The following SGCD variants were observed in gnomAD, a reference collection of about 807,000 sequenced individuals.
SGCD encodes delta-sarcoglycan.
Under a neutral mutation model 36.6 loss-of-function variants are expected in SGCD, and 18 were observed. That is an observed-to-expected ratio of 0.49 (90% CI 0.34 to 0.73). The LOEUF (loss-of-function observed/expected upper bound fraction) is 0.73. Ranked by LOEUF, SGCD falls within the 30% of genes least tolerant of loss-of-function variation. The probability of loss-of-function intolerance (pLI) is 0.01; values close to 1 mark genes in which losing one functional copy is unlikely to be tolerated. For synonymous variants in SGCD, 133 were observed against 130.6 expected, an observed-to-expected ratio of 1.02 and a Z score of -0.12; for missense variants, 387 against 346.7, an observed-to-expected ratio of 1.12 and a Z score of -0.92.
intron 1 of SGCD, among the ~76,000 whole-genome samples, chr5:155,955,626 G>C (rs1368639310): frequency 6.6e-6 from 1 of 152,118 alleles, no homozygotes; most frequent in African/African-American, 2.4e-5. Context: ...TTGATTTAGA[G>C]TCAAGTATTT....
intron 7 of SGCD, chr5:156,738,436 T>C (rs1319986767): frequency 6.6e-6 from 1 of 152,240 alleles, no homozygotes; most frequent in African/African-American, 2.4e-5. Context: ...CATGTTAGGC[T>C]ACTAAGGCAC....
intron 3 of SGCD, among the ~76,000 whole-genome samples, chr5:156,189,362 A>G (rs2127631607): frequency 6.6e-6 from 1 of 152,340 alleles, no homozygotes; most frequent in East Asian, 1.9e-4. Flanking sequence ...GCTAAAAAAA[A>G]TTAGTGAAAA....
intron 1 of SGCD, among the ~76,000 whole-genome samples, chr5:156,014,712 T>C (rs1410346423): frequency 6.6e-6 from 1 of 152,224 alleles, no homozygotes; most frequent in Non-Finnish European, 1.5e-5. Flanking sequence ...TTTTTCCTTG[T>C]GTACAGGATC....
intron 3 of SGCD, among the ~76,000 whole-genome samples, chr5:156,356,060 T>G (rs562777461): frequency 6.6e-6 from 1 of 152,340 alleles, no homozygotes; most frequent in East Asian, 1.9e-4. Context: ...AGGGAGTATA[T>G]CTTATGTGCC....
intron 3 of SGCD, among the ~76,000 whole-genome samples, chr5:156,229,283 T>TATATATATATATATATATATACATAC (rs1764947899): frequency 9.7e-6 from 1 of 103,618 alleles, no homozygotes; most frequent in Non-Finnish European, 1.9e-5. Flanking sequence ...CATACATATA[T>TATATATATATATATATATATACATAC]ATATATATAT....
At chr5:156,269,919 T>C (rs1217389308) in intron 3 of SGCD, among the ~76,000 whole-genome samples, 3 of 152,252 alleles carry the variant, frequency 2.0e-5, no homozygotes, top group Admixed American at 2.0e-4. Flanking sequence ...TGCAATTGCT[T>C]TTAGCATCTT....
chr5:155,913,506 C>T (rs1756674228), intron 1 of SGCD, among the ~76,000 whole-genome samples: 1 of 152,152 alleles, frequency 6.6e-6, no homozygotes, highest in Admixed American at 6.6e-5. Flanking sequence ...TTCAGTCTGA[C>T]CATTCATAGC....
chr5:156,300,288 G>T (rs1767018911), intron 3 of SGCD, among the ~76,000 whole-genome samples: 1 of 151,666 alleles, frequency 6.6e-6, no homozygotes, highest in Admixed American at 6.6e-5. Flanking sequence ...TACTGCTTTT[G>T]CTGTATCCCA....
chr5:155,875,474 T>C (rs1755745245), intron 1 of SGCD, among the ~76,000 whole-genome samples: 1 of 152,240 alleles, frequency 6.6e-6, no homozygotes, highest in African/African-American at 2.4e-5. Flanking sequence ...AGCATTTTAT[T>C]TGGGGAACTT....
chr5:156,409,806 C>T (rs1023207940), intron 3 of SGCD, among the ~76,000 whole-genome samples: 1 of 152,246 alleles, frequency 6.6e-6, no homozygotes, highest in South Asian at 2.1e-4. Context: ...ATATTATCTG[C>T]CTCACACCAT....
chr5:156,715,281 G>A (rs891540101), intron 7 of SGCD, among the ~76,000 whole-genome samples: 3 of 152,172 alleles, frequency 2.0e-5, no homozygotes, highest in African/African-American at 7.2e-5. Context: ...AAATGGAAAG[G>A]ACAGGAGATG....
At chr5:156,480,429 T>C (rs1376271289) in intron 3 of SGCD, among the ~76,000 whole-genome samples, 1 of 152,234 alleles carries the variant, frequency 6.6e-6, no homozygotes, top group African/African-American at 2.4e-5. Flanking sequence ...AGAGCTTGTC[T>C]TTCCCCAGTC....
chr5:156,181,368 C>T (rs919715906), intron 3 of SGCD, among the ~76,000 whole-genome samples: 2 of 152,140 alleles, frequency 1.3e-5, no homozygotes, highest in African/African-American at 4.8e-5. Flanking sequence ...AAAAAACTTG[C>T]TATCATTAAC....
At chr5:156,375,552 G>A (rs903025959) in intron 3 of SGCD, among the ~76,000 whole-genome samples, 1 of 152,084 alleles carries the variant, frequency 6.6e-6, no homozygotes. Flanking sequence ...CTATAGCTGT[G>A]CTGTGTGATC....
At chr5:156,470,636 C>G (rs1561716675) in intron 3 of SGCD, among the ~76,000 whole-genome samples, 1 of 151,940 alleles carries the variant, frequency 6.6e-6, no homozygotes, top group African/African-American at 2.4e-5. Flanking sequence ...GAATTTTTTT[C>G]TATCATTTCT....
At position 156,707,195 on chromosome 5, in the gene SGCD, A is replaced by G. The variant is rs1754779474; in HGVS notation, c.576-50386A>G. Among the ~76,000 whole-genome samples the G allele has an allele frequency of 2.0e-5, 3 of 152,180 alleles. No homozygotes were observed. The South Asian group carries it at 6.2e-4, about 32-fold the overall frequency. On this transcript the variant is annotated intron_variant, in intron 7 of 8. Coordinates refer to ENST00000337851, the MANE Select transcript of SGCD (RefSeq NM_000337.6). ...CAGACATTTTTATATATAAATTAATATTTGTTTTCATTGGCCTTTCCATCT... is the reference window on the plus strand; with the variant it reads ...CAGACATTTTTATATATAAATTAATGTTTGTTTTCATTGGCCTTTCCATCT...
chr5:156,743,487 G>A (rs1756794688), intron 7 of SGCD, among the ~76,000 whole-genome samples: 1 of 152,016 alleles, frequency 6.6e-6, no homozygotes, highest in Non-Finnish European at 1.5e-5. Flanking sequence ...CTTTCTAAAA[G>A]TCTTTATGCT....
At chr5:155,940,815 A>C (rs959116834) in intron 1 of SGCD, among the ~76,000 whole-genome samples, 2 of 152,126 alleles carry the variant, frequency 1.3e-5, no homozygotes, top group African/African-American at 4.8e-5. Context: ...ACTGCACTCC[A>C]GCCTGGGTGA....
chr5:156,542,655 C>T (rs186726906), intron 4 of SGCD, among the ~76,000 whole-genome samples: 2 of 152,118 alleles, frequency 1.3e-5, no homozygotes, highest in South Asian at 2.1e-4. Context: ...GAAAGTGAAC[C>T]TCAGAGACAT....
Sources: allele counts gnomAD v4.1 joint callset (sites outside exome capture counted in the v4.1 genomes callset), GRCh38; gene constraint gnomAD v4.1.1; transcripts MANE v1.5; gene names NCBI Gene and HGNC (gene_info 2026-07-23, HGNC 2026-07-21).